The following SMAGP variants were observed in gnomAD, a reference collection of about 807,000 sequenced individuals.
The protein encoded by SMAGP is small cell transmembrane and glycosylated protein.
In SMAGP, 7 loss-of-function variants were observed where a neutral mutation model predicts 10.1. The ratio of observed to expected loss-of-function variants is 0.70; its 90% CI spans 0.40 to 1.31. SMAGP has a LOEUF of 1.31. Among genes scored for constraint, SMAGP ranks in the 50% most tolerant of loss-of-function variants. SMAGP has a pLI of 0.01. For missense variants in SMAGP, 113 were observed against 116.5 expected, an observed-to-expected ratio of 0.97 and a Z score of 0.14; for synonymous variants, 49 against 47.2, an observed-to-expected ratio of 1.04 and a Z score of -0.16.
At chr12:51,265,752 G>T (rs969724636) in intron 2 of SMAGP, among the ~76,000 whole-genome samples, 1 of 152,110 alleles carries the variant, frequency 6.6e-6, no homozygotes, top group African/African-American at 2.4e-5. Context: ...GGAAGGTAAA[G>T]TTCTGGAGAT....
At position 51,251,584 on chromosome 12, in the gene SMAGP, C is replaced by T. The variant is rs557547090; in HGVS notation, c.35-4753G>A. On this transcript the variant is annotated intron_variant, in intron 2 of 3. Coordinates refer to ENST00000603798, the MANE Select transcript of SMAGP (RefSeq NM_001031628.2). ...CTAGTCTGGGTGACAGAGTGAGACC[C>T]TGTTTCAGAAAAAAAAAAAAAAAGA... 6 of 148,574 alleles carry T rather than the reference C, an allele frequency of 4.0e-5. No homozygotes were observed. In the South Asian group the frequency reaches 1.1e-3, roughly 26 times the overall value. 9.2% of individuals were successfully genotyped at this position (148,574 alleles called of 1,614,324 possible).
intron 2 of SMAGP, among the ~76,000 whole-genome samples, chr12:51,258,772 T>C (rs1395465268): frequency 1.3e-5 from 2 of 152,046 alleles, no homozygotes; most frequent in Non-Finnish European, 1.5e-5. Context: ...TTTGAATTGA[T>C]AGTTATGTCA....
chr12:51,257,223 T>G (rs1017952726), intron 2 of SMAGP, among the ~76,000 whole-genome samples: 17 of 152,140 alleles, frequency 1.1e-4, no homozygotes, highest in African/African-American at 3.9e-4. Flanking sequence ...CAATTGATGA[T>G]GCACAAGAGT....
At chr12:51,246,366 C>A in intron 3 of SMAGP, 1 of 512,358 alleles carries the variant, frequency 2.0e-6, no homozygotes, top group Non-Finnish European at 3.4e-6. Flanking sequence ...AACTGCCTCC[C>A]AAACCAGTTC....
chr12:51,264,609 G>C (rs1253091619), intron 2 of SMAGP, among the ~76,000 whole-genome samples: 1 of 138,444 alleles, frequency 7.2e-6, no homozygotes, highest in African/African-American at 2.7e-5. Flanking sequence ...CTGGGCAACA[G>C]AGTAAGATCC....
intron 2 of SMAGP, among the ~76,000 whole-genome samples, chr12:51,268,545 T>C (rs1049618722): frequency 6.6e-6 from 1 of 151,898 alleles, no homozygotes; most frequent in Non-Finnish European, 1.5e-5. Context: ...TTTAGGCTTA[T>C]ACAATAATCT....
intron 2 of SMAGP, among the ~76,000 whole-genome samples, chr12:51,263,180 C>T (rs1176154969): frequency 6.6e-6 from 1 of 151,958 alleles, no homozygotes; most frequent in African/African-American, 2.4e-5. Flanking sequence ...ATCAGAAGTT[C>T]GAGACCAGTC....
At chr12:51,263,591 A>G (rs537146493) in intron 2 of SMAGP, among the ~76,000 whole-genome samples, 6 of 152,312 alleles carry the variant, frequency 3.9e-5, no homozygotes, top group South Asian at 2.1e-4. Context: ...TATTTCTACA[A>G]AAAATTATTT....
intron 2 of SMAGP, among the ~76,000 whole-genome samples, chr12:51,265,052 A>C (rs1038919211): frequency 2.6e-5 from 4 of 152,170 alleles, no homozygotes; most frequent in Admixed American, 2.6e-4. Flanking sequence ...ATCAACTAAA[A>C]AATGGGACAA....
At position 51,244,658 on chromosome 12, in the gene SMAGP, G is replaced by C. The variant is rs1944740836; in HGVS notation, c.*1283C>G. On this transcript the variant is annotated 3_prime_UTR_variant, in exon 4 of 4. Coordinates refer to ENST00000603798, the MANE Select transcript of SMAGP (RefSeq NM_001031628.2). Reference sequence around the variant, plus strand: ...GTGCCTTTTAAACACAACTTATCTTGAGACTAAAATCCAAGAAGCTTCTTG... The same window carrying C: ...GTGCCTTTTAAACACAACTTATCTTCAGACTAAAATCCAAGAAGCTTCTTG... 6.6e-6 allele frequency: 1 copy of C among 152,106 alleles called. No individual in the cohort carries two copies. Among genetic ancestry groups the C allele is most frequent in the Non-Finnish European group, 1.5e-5 (1 of 68,044 alleles). 9.4% of individuals were successfully genotyped at this position (152,106 alleles called of 1,614,324 possible). A position where few individuals can be genotyped will look rare whatever the true frequency, so the allele number is the denominator to read the frequency against.
At chr12:51,257,305 A>G (rs1306919108) in intron 2 of SMAGP, among the ~76,000 whole-genome samples, 1 of 152,156 alleles carries the variant, frequency 6.6e-6, no homozygotes, top group South Asian at 2.1e-4. Flanking sequence ...AGACAGTGCC[A>G]TTGGAATAGG....
Position 51,244,600 on chromosome 12 carries a change from A to T in SMAGP, c.*1341T>A, listed in dbSNP as rs1009122776. On this transcript the variant is annotated 3_prime_UTR_variant, in exon 4 of 4. Transcript: ENST00000603798. Reference sequence around the variant, plus strand: ...ATCTAGCTTTAATTCCAAAGTGAACAATATCTGATGAGCTAATAATTTATA... The same window carrying T: ...ATCTAGCTTTAATTCCAAAGTGAACTATATCTGATGAGCTAATAATTTATA... The T allele has an allele frequency of 6.6e-6, 1 of 152,236 alleles. No individual in the cohort carries two copies. The highest frequency in any genetic ancestry group is 1.5e-5 in the Non-Finnish European group (1 of 68,042). The allele number at this position is 152,236 out of a possible 1,614,324, so 9.4% of individuals were successfully genotyped here.
rs555811528 is a variant in SMAGP at position 51,266,984 on chromosome 12, C to T, written c.34+2261G>A. Among the ~76,000 whole-genome samples, 6 of 152,226 alleles carry T rather than the reference C, an allele frequency of 3.9e-5. No individual in the cohort carries two copies. The East Asian group carries it at 5.8e-4, about 15-fold the overall frequency. On this transcript the variant is annotated intron_variant, in intron 2 of 3. Transcript: ENST00000603798. ...TATACAAATTAGCCAGGCGTGGTAG[C>T]GCACGCCTGTAATTCCAGCTACTAG...
Position 51,244,840 on chromosome 12 carries a change from TTTG to T in SMAGP, c.*1098_*1100del. 6.6e-6 allele frequency: 1 copy of T among 152,648 alleles called. No homozygotes were observed. The highest frequency in any genetic ancestry group is 2.1e-4 in the South Asian group (1 of 4,734). The allele number at this position is 152,648 out of a possible 1,614,324, so 9.5% of individuals were successfully genotyped here. ...GGGTACTTTTTTTTTTTTTTTTTTT[TTTG>T]AGACGGAGTCTCACTCTGTTGCCCA... On this transcript the variant is annotated 3_prime_UTR_variant, in exon 4 of 4. Transcript: ENST00000603798.
chr12:51,269,546 CT>C (rs1945007426), intron 1 of SMAGP: 1 of 502,336 alleles, frequency 2.0e-6, no homozygotes, highest in South Asian at 2.2e-5. Flanking sequence ...CCTTCATACG[CT>C]CTCTCCAGGT....
At chr12:51,252,095 ATT>A (rs34168199) in intron 2 of SMAGP, among the ~76,000 whole-genome samples, 4 of 145,924 alleles carry the variant, frequency 2.7e-5, no homozygotes, top group Admixed American at 6.9e-5. Context: ...TCTACATCAG[ATT>A]TTTTTTTTTT....
At chr12:51,256,651 C>T (rs559352231) in intron 2 of SMAGP, among the ~76,000 whole-genome samples, 26 of 151,826 alleles carry the variant, frequency 1.7e-4, no homozygotes, top group Admixed American at 7.2e-4. Flanking sequence ...ACCCAGGAGG[C>T]GGAGGTTGCG....
chr12:51,257,781 G>A lies in SMAGP; in HGVS notation c.35-10950C>T, dbSNP rs914103839. Among the ~76,000 whole-genome samples the A allele has an allele frequency of 3.5e-4, 53 of 151,952 alleles. 1 individual carries two copies. Among genetic ancestry groups the A allele is most frequent in the Admixed American group, 6.6e-5 (1 of 15,258 alleles). ...GCTGGTCTCGAACTCCTGACCTCAG[G>A]TGATCTGCCTGTCTTGGCCTCTCAA... is the stretch of plus-strand genomic sequence containing the variant. On this transcript the variant is annotated intron_variant, in intron 2 of 3. Coordinates refer to ENST00000603798, the MANE Select transcript of SMAGP (RefSeq NM_001031628.2).
intron 2 of SMAGP, 35 bp from the exon 3 acceptor site, chr12:51,246,866 G>T: frequency 6.8e-7 from 1 of 1,479,268 alleles, no homozygotes; most frequent in Non-Finnish European, 9.1e-7. Flanking sequence ...AGGAAATGGA[G>T]TGAATTCTTT....
Sources: allele counts gnomAD v4.1 joint callset (sites outside exome capture counted in the v4.1 genomes callset), GRCh38; gene constraint gnomAD v4.1.1; transcripts MANE v1.5; gene names NCBI Gene and HGNC (gene_info 2026-07-23, HGNC 2026-07-21).